The following RAB10 variants were observed in gnomAD, a reference collection of about 807,000 sequenced individuals.
RAB10 encodes the protein ras-related protein Rab-10.
A neutral mutation model predicts 25.7 loss-of-function variants in RAB10; 5 were observed. The observed-to-expected ratio is 0.19, with a 90% confidence interval of 0.10 to 0.41. The LOEUF (loss-of-function observed/expected upper bound fraction) is 0.41. Among genes scored for constraint, RAB10 ranks in the 10% least tolerant of loss-of-function variants. The probability of loss-of-function intolerance (pLI) is 1.00; values close to 1 mark genes in which losing one functional copy is unlikely to be tolerated. For missense variants in RAB10, 103 were observed against 245.8 expected (o/e 0.42, Z 3.89); for synonymous variants, 89 against 86.4 (o/e 1.03, Z -0.16).
chr2:26,102,439 C>CTTTTTTTTTTTT (rs562310195), intron 2 of RAB10, among the ~76,000 whole-genome samples: 2 of 124,364 alleles, frequency 1.6e-5, no homozygotes, highest in African/African-American at 3.1e-5. Context: ...TTTTTTCTTT[C>CTTTTTTTTTTTT]TTTTTTTTTT....
chr2:26,113,234 G>A (rs900876488), intron 3 of RAB10, among the ~76,000 whole-genome samples: 1 of 152,052 alleles, frequency 6.6e-6, no homozygotes, highest in Admixed American at 6.6e-5. Context: ...AGTTATCTCA[G>A]TTCACACAGA....
intron 1 of RAB10, among the ~76,000 whole-genome samples, chr2:26,080,274 C>A (rs1251590222): frequency 1.3e-5 from 2 of 152,068 alleles, no homozygotes; most frequent in African/African-American, 4.8e-5. Context: ...CTTGCAAAAG[C>A]AGAATTTCAA....
At chr2:26,041,556 AAAAAAAAAAAG>A (rs1431459016) in intron 1 of RAB10, among the ~76,000 whole-genome samples, 7 of 150,742 alleles carry the variant, frequency 4.6e-5, no homozygotes, top group African/African-American at 7.3e-5. Context: ...AAAAAAAAAA[AAAAAAAAAAAG>A]AATGTTAGCT....
chr2:26,072,455 A>T (rs1033513635), intron 1 of RAB10, among the ~76,000 whole-genome samples: 2 of 151,802 alleles, frequency 1.3e-5, no homozygotes, highest in Non-Finnish European at 2.9e-5. Flanking sequence ...ATAATAATAG[A>T]ACATGAAAAC....
intron 1 of RAB10, among the ~76,000 whole-genome samples, chr2:26,089,609 T>C (rs1574546789): frequency 6.6e-6 from 1 of 152,332 alleles, no homozygotes; most frequent in East Asian, 1.9e-4. Flanking sequence ...CAACAAATTC[T>C]TGCCCTGTAT....
At chr2:26,077,806 C>T (rs1052809216) in intron 1 of RAB10, among the ~76,000 whole-genome samples, 4 of 151,916 alleles carry the variant, frequency 2.6e-5, no homozygotes, top group Middle Eastern at 3.2e-3. Flanking sequence ...AGTGAAACTC[C>T]GTCTCTGTTA....
intron 1 of RAB10, among the ~76,000 whole-genome samples, chr2:26,095,219 T>C (rs1475978090): frequency 1.3e-5 from 2 of 152,154 alleles, no homozygotes; most frequent in Non-Finnish European, 2.9e-5. Context: ...AAGATTGTAG[T>C]CCTTTCTGGG....
intron 1 of RAB10, among the ~76,000 whole-genome samples, chr2:26,037,277 T>G (rs1191403930): frequency 6.6e-6 from 1 of 152,204 alleles, no homozygotes; most frequent in East Asian, 1.9e-4. Flanking sequence ...GGTTGGAATC[T>G]TGTTTCCACA....
intron 1 of RAB10, among the ~76,000 whole-genome samples, chr2:26,076,102 T>C (rs942040889): frequency 1.3e-5 from 2 of 152,164 alleles, no homozygotes; most frequent in African/African-American, 4.8e-5. Flanking sequence ...AATAGCTTAA[T>C]TGAGGGCTGT....
Position 26,046,047 on chromosome 2 carries a change from C to T in RAB10, c.127+11312C>T, listed in dbSNP as rs983924626. On this transcript the variant is annotated intron_variant, in intron 1 of 5. Transcript: ENST00000264710. ...ACTGTAAGAAAAGGAATTTGAGGCC[C>T]GGTGCGGTGGCTCACGCCTGTAATC... 1.4e-4 allele frequency among the ~76,000 whole-genome samples: 22 copies of T among 151,986 alleles called. 1 individual carries two copies. Among genetic ancestry groups the T allele is most frequent in the Admixed American group, 2.0e-4 (3 of 15,242 alleles).
intron 1 of RAB10, among the ~76,000 whole-genome samples, chr2:26,065,232 A>G (rs577332970): frequency 1.7e-3 from 252 of 152,286 alleles, no homozygotes; most frequent in Non-Finnish European, 3.0e-3. Flanking sequence ...AGAAAAAGAA[A>G]AAAAAAACAT....
chr2:26,082,417 G>T lies in RAB10; in HGVS notation c.128-16245G>T, dbSNP rs181810245. Among the ~76,000 whole-genome samples the T allele has an allele frequency of 3.6e-3, 546 of 152,160 alleles. 7 individuals carry two copies. The South Asian group carries it at 0.039, about 11-fold the overall frequency. On this transcript the variant is annotated intron_variant, in intron 1 of 5. Coordinates refer to ENST00000264710, the MANE Select transcript of RAB10 (RefSeq NM_016131.5). ...TTTTAGAGCAAGGAGTATATTTCTA[G>T]AAATAAAGAGGATCTTTTTATAATG...
intron 3 of RAB10, among the ~76,000 whole-genome samples, chr2:26,115,634 A>G (rs976374460): frequency 5.3e-5 from 8 of 152,174 alleles, no homozygotes; most frequent in African/African-American, 1.7e-4. Flanking sequence ...GGGGAGTGAT[A>G]AAAATATTAT....
chr2:26,095,538 C>T (rs1329404087), intron 1 of RAB10, among the ~76,000 whole-genome samples: 1 of 151,498 alleles, frequency 6.6e-6, no homozygotes, highest in Non-Finnish European at 1.5e-5. Flanking sequence ...ACCCGGGAGG[C>T]GGAGCTTACA....
chr2:26,104,939 G>C (rs1213087572), intron 2 of RAB10, among the ~76,000 whole-genome samples: 1 of 151,864 alleles, frequency 6.6e-6, no homozygotes, highest in African/African-American at 2.4e-5. Context: ...GGTTTTCACT[G>C]TGTTAGCCAG....
At chr2:26,045,221 C>T (rs897166975) in intron 1 of RAB10, among the ~76,000 whole-genome samples, 8 of 143,750 alleles carry the variant, frequency 5.6e-5, no homozygotes, top group African/African-American at 1.8e-4. Context: ...AAGAGAAATA[C>T]TGGCAATCTC....
At chr2:26,076,385 GT>G (rs1666735202) in intron 1 of RAB10, among the ~76,000 whole-genome samples, 1 of 152,148 alleles carries the variant, frequency 6.6e-6, no homozygotes, top group Non-Finnish European at 1.5e-5. Flanking sequence ...TTATTGGTGT[GT>G]AGTTTGTAAC....
intron 2 of RAB10, among the ~76,000 whole-genome samples, chr2:26,108,584 A>G (rs759458519): frequency 3.4e-4 from 52 of 151,114 alleles, no homozygotes; most frequent in Non-Finnish European, 6.0e-4. Flanking sequence ...GTAGAGAACT[A>G]TATATACACA....
At chr2:26,075,731 T>C (rs1426798879) in intron 1 of RAB10, among the ~76,000 whole-genome samples, 2 of 152,084 alleles carry the variant, frequency 1.3e-5, no homozygotes, top group Non-Finnish European at 2.9e-5. Flanking sequence ...TTTGAAACAG[T>C]TAATCAACAA....
Sources: allele counts gnomAD v4.1 joint callset (sites outside exome capture counted in the v4.1 genomes callset), GRCh38; gene constraint gnomAD v4.1.1; transcripts MANE v1.5; gene names NCBI Gene and HGNC (gene_info 2026-07-23, HGNC 2026-07-21).